Variants in ABCC10 observed in about 807,000 individuals in gnomAD.
ABCC10 encodes the protein ATP-binding cassette sub-family C member 10.
Under a neutral mutation model 143.2 loss-of-function variants are expected in ABCC10, and 110 were observed. The ratio of observed to expected loss-of-function variants is 0.77; its 90% CI spans 0.66 to 0.90. The LOEUF (loss-of-function observed/expected upper bound fraction) is 0.90, where lower values mean the gene tolerates loss of function less well. Ranked by LOEUF, ABCC10 falls within the 40% of genes least tolerant of loss-of-function variation. The pLI is 0.00. For missense variants in ABCC10, 1,700 were observed against 1,900.5 expected (o/e 0.89, Z 1.96); for synonymous variants, 805 against 846.7 (o/e 0.95, Z 0.85).
Position 43,449,981 on chromosome 6 carries a change from G to A in ABCC10, c.4369G>A (p.Val1457Met), listed in dbSNP as rs1488200813. Residue 1457 changes from valine (V) to methionine (M), a missense_variant, in exon 22 of 22, where the codon GTG becomes ATG. Val to Met is a conservative substitution (Grantham distance 21). Coordinates refer to ENST00000372530, the MANE Select transcript of ABCC10 (RefSeq NM_001198934.2). The stretch of plus-strand genomic sequence containing the variant: ...GGTGCTGGTGCTACAAGCGGGGAGA[G>A]TGGTAGAGCTGGACTCCCCGGCCAC... Reference protein sequence around the residue: ...DRVLVLQAGRVVELDSPATLR... With the variant: ...DRVLVLQAGRMVELDSPATLR... 2 of 1,613,920 alleles carry A rather than the reference G, an allele frequency of 1.2e-6. No individual in the cohort carries two copies. The highest frequency in any genetic ancestry group is 1.7e-6 in the Non-Finnish European group (2 of 1,179,986).
At chr6:43,446,546 C>T (rs945269112) in intron 16 of ABCC10, 100 bp downstream of exon 16, 5 of 1,459,864 alleles carry the variant, frequency 3.4e-6, no homozygotes, top group African/African-American at 2.8e-5. Flanking sequence ...TCACCTCCCA[C>T]CCAGGGTTCC....
intron 2 of ABCC10, 65 bp from the exon 3 acceptor site, chr6:43,432,077 T>C (rs139652794): frequency 1.0e-5 from 16 of 1,575,486 alleles, no homozygotes; most frequent in Non-Finnish European, 1.4e-5. Flanking sequence ...TTATTGGAGG[T>C]GAGGGGTATG....
Position 43,428,081 on chromosome 6 carries a change from A to AG in ABCC10, c.104dup (p.Ser35ArgfsTer178), listed in dbSNP as rs1780696464. ...CCACTGCTTCACCCAGCTGGTGCTC[A>AG]GCGCCCTGCCCCACGCGCTCCTCGC... On this transcript the variant is annotated frameshift_variant, in exon 2 of 22. Transcript: ENST00000372530. LOFTEE classifies it high-confidence loss of function. 4 of 1,568,866 alleles carry AG rather than the reference A, an allele frequency of 2.5e-6. No homozygotes were observed. Among genetic ancestry groups the AG allele is most frequent in the Non-Finnish European group, 3.5e-6 (4 of 1,158,456 alleles).
intron 8 of ABCC10, among the ~76,000 whole-genome samples, chr6:43,441,546 A>G (rs921734745): frequency 6.6e-6 from 1 of 152,030 alleles, no homozygotes; most frequent in Non-Finnish European, 1.5e-5. Context: ...CCTGCCCCTT[A>G]CTAGCTGTGG....
At position 43,432,734 on chromosome 6, in the gene ABCC10, C is replaced by A. The variant is rs369322714; in HGVS notation, c.754C>A (p.His252Asn). 6 of 1,614,180 alleles carry A rather than the reference C, an allele frequency of 3.7e-6. No homozygotes were observed. The highest frequency in any genetic ancestry group is 4.2e-6 in the Non-Finnish European group (5 of 1,180,026). ...GCCTCAGGACATTTGCCGCCTCCCC[C>A]ACAGACTGCAGCCAACCTACCTGGC... ...RQPQDICRLP[H>N]RLQPTYLARV... Residue 252 changes from histidine (H) to asparagine (N), a missense_variant, in exon 3 of 22, where the codon CAC becomes AAC. Transcript: ENST00000372530.
chr6:43,432,158 C>A lies in ABCC10; in HGVS notation c.178C>A (p.Leu60Ile). 6.2e-7 allele frequency: 1 copy of A among 1,614,142 alleles called. No individual in the cohort carries two copies. Among genetic ancestry groups the A allele is most frequent in the Non-Finnish European group, 8.5e-7 (1 of 1,179,990 alleles). ...TGTCCCCAGGAGTCCAGATTACATC[C>A]TACCCTGCAGTCCTGGATGGCGCCT... ...LGTPRSPDYILPCSPGWRLRL... is the reference protein window; with the variant it reads ...LGTPRSPDYIIPCSPGWRLRL... The change falls in exon 3 of 22, where the codon CTA (leucine) becomes ATA (isoleucine). Residue 60 changes from leucine (L) to isoleucine (I), a missense_variant. Physicochemically the swap from Leu to Ile is conservative, Grantham distance 5. Transcript: ENST00000372530.
intron 4 of ABCC10, 178 bp downstream of exon 4, chr6:43,435,026 T>A: frequency 1.6e-6 from 1 of 622,770 alleles, no homozygotes; most frequent in Non-Finnish European, 2.8e-6. Context: ...AACCCTCCCC[T>A]CTGTGAAGGA....
downstream of ABCC10, chr6:43,451,365 C>T: frequency 1.4e-6 from 2 of 1,480,722 alleles, no homozygotes; most frequent in Non-Finnish European, 1.8e-6. The surrounding 1 kb of genome is among the most constrained non-coding windows in gnomAD (Gnocchi z 4.4). Context: ...CCCGCCATGT[C>T]ATCTTGGGCT....
In ABCC10 at chr6:43,445,925, C is replaced by T; in HGVS notation, c.3357C>T (p.Ala1119=). 1 of 1,612,274 alleles carries T rather than the reference C, an allele frequency of 6.2e-7. No individual in the cohort carries two copies. ...TGGCTGGCCTCTCTGTGCTCCGGGC[C>T]ACAGGGGCCACCTACAGGTGTGTGA... ...DTLAGLSVLR[A]TGATYRFEEE... The change falls in exon 15 of 22, where the codon GCC becomes GCT. Residue 1119 remains alanine (A), a synonymous_variant. Coordinates refer to ENST00000372530, the MANE Select transcript of ABCC10 (RefSeq NM_001198934.2).
intron 16 of ABCC10, chr6:43,446,787 C>A (rs1307583305): frequency 1.7e-6 from 2 of 1,182,416 alleles, no homozygotes; most frequent in African/African-American, 3.2e-5. Context: ...CCCTGCCCTG[C>A]ATCTGGCCTC....
At position 43,447,749 on chromosome 6, in the gene ABCC10, A is replaced by T; in HGVS notation, c.3771A>T (p.Pro1257=). ...EFQDVVLAYR[P]GLPNALDGVT... is the part of the protein sequence containing the mutation. ...AGGACGTGGTGTTGGCGTACCGGCC[A>T]GGGCTGCCGAATGCCCTGGATGGAG... Residue 1257 remains proline (P), a synonymous_variant, in exon 18 of 22, where the codon CCA becomes CCT. Coordinates refer to ENST00000372530, the MANE Select transcript of ABCC10 (RefSeq NM_001198934.2). The T allele has an allele frequency of 6.2e-7, 1 of 1,613,982 alleles. No homozygotes were observed.
In ABCC10 at chr6:43,432,320, A is replaced by G. The variant is rs1781225033; in HGVS notation, c.340A>G (p.Ser114Gly). Residue 114 changes from serine to glycine, a missense_variant, in exon 3 of 22, where the codon AGC (serine) becomes GGC (glycine). Transcript: ENST00000372530. ...GTGCGTGGCAGCTGTGGCCTGGATCAGCCACAGCCTGGCCCTGTGGGTGTT... is the reference window on the plus strand; with the variant it reads ...GTGCGTGGCAGCTGTGGCCTGGATCGGCCACAGCCTGGCCCTGTGGGTGTT... ...AGCVAAVAWISHSLALWVLAH... is the reference protein window; with the variant it reads ...AGCVAAVAWIGHSLALWVLAH... The G allele has an allele frequency of 1.2e-6, 2 of 1,613,972 alleles. No homozygotes were observed. Among genetic ancestry groups the G allele is most frequent in the African/African-American group, 2.7e-5 (2 of 74,942 alleles).
At chr6:43,430,460 G>A (rs1781006602) in intron 2 of ABCC10, among the ~76,000 whole-genome samples, 2 of 151,838 alleles carry the variant, frequency 1.3e-5, no homozygotes, top group African/African-American at 4.8e-5. Context: ...GTCATCAGGT[G>A]GACTTTTAAG....
chr6:43,445,901 G>C lies in ABCC10; in HGVS notation c.3333G>C (p.Leu1111Phe), dbSNP rs1783013381. 2 of 1,613,502 alleles carry C rather than the reference G, an allele frequency of 1.2e-6. No individual in the cohort carries two copies. The highest frequency in any genetic ancestry group is 1.7e-6 in the Non-Finnish European group (2 of 1,179,666). Reference sequence around the variant, plus strand: ...TGTATAGCCATCTGGCCGATACCTTGGCTGGCCTCTCTGTGCTCCGGGCCA... The same window carrying C: ...TGTATAGCCATCTGGCCGATACCTTCGCTGGCCTCTCTGTGCTCCGGGCCA... ...SPLYSHLADT[L>F]AGLSVLRATG... Residue 1111 changes from leucine to phenylalanine, a missense_variant, in exon 15 of 22, where the codon TTG becomes TTC. Physicochemically the swap from Leu to Phe is conservative, Grantham distance 22. Transcript: ENST00000372530.
chr6:43,429,355 T>C (rs796595794), intron 2 of ABCC10, among the ~76,000 whole-genome samples: 66 of 5,124 alleles, frequency 0.013, 1 homozygote, highest in African/African-American at 0.026. Flanking sequence ...CTTTCTTTTC[T>C]TTCTTTCTTT....
chr6:43,450,834 A>C (rs1783680696), downstream of ABCC10: 3 of 1,614,082 alleles, frequency 1.9e-6, no homozygotes, highest in African/African-American at 4.0e-5. The surrounding 1 kb of genome is among the most constrained non-coding windows in gnomAD (Gnocchi z 4.5). Flanking sequence ...GATCCGCAGC[A>C]GACCAGCCCC....
At chr6:43,450,617 A>C, downstream of ABCC10, 1 of 1,609,402 alleles carries the variant, frequency 6.2e-7, no homozygotes, top group South Asian at 1.1e-5. This position sits in a 1 kb window ranked among gnomAD's most constrained non-coding sequence, Gnocchi z 4.5. Context: ...TGCTAACCTG[A>C]CACTCCTGGT....
At chr6:43,448,226 G>C (rs1367860751) in intron 18 of ABCC10, 1 of 525,068 alleles carries the variant, frequency 1.9e-6, no homozygotes, top group Non-Finnish European at 3.5e-6. Flanking sequence ...CCAAGATACT[G>C]ATCCCCTGAG....
intron 9 of ABCC10, 111 bp from the exon 10 acceptor site, chr6:43,442,859 G>C (rs765647488): frequency 9.1e-6 from 9 of 985,184 alleles, no homozygotes; most frequent in African/African-American, 3.3e-5. Flanking sequence ...TTCTCTGCTA[G>C]TGTAGGGGTA....
Sources: gnomAD v4.1 joint callset for allele counts (sites outside exome capture counted in the v4.1 genomes callset) on GRCh38, gnomAD v4.1.1 for gene constraint, Gnocchi (gnomAD v3.1) non-coding constraint, MANE v1.5 for transcripts, NCBI Gene and HGNC (gene_info 2026-07-23, HGNC 2026-07-21) for gene names.